The following PCDHGB5 variants were observed in gnomAD, a reference collection of about 807,000 sequenced individuals.
PCDHGB5 encodes the protein protocadherin gamma-B5.
In PCDHGB5, 48 loss-of-function variants were observed where a neutral mutation model predicts 62.9. The observed-to-expected ratio is 0.76, with a 90% CI of 0.61 to 0.97. PCDHGB5 has a LOEUF of 0.97. Among genes scored for constraint, PCDHGB5 ranks in the 50% least tolerant of loss-of-function variants. The pLI is 0.00. For missense variants in PCDHGB5, 1,118 were observed against 1,198.6 expected, an observed-to-expected ratio of 0.93 and a Z score of 0.99; for synonymous variants, 474 against 511.2, an observed-to-expected ratio of 0.93 and a Z score of 0.98.
chr5:141,447,851 C>T (rs961725006), intron 1 of PCDHGB5, among the ~76,000 whole-genome samples: 1 of 151,980 alleles, frequency 6.6e-6, no homozygotes, highest in East Asian at 1.9e-4. Flanking sequence ...TTTGGGAGGC[C>T]GAGGTGGGTG....
chr5:141,500,989 C>T (rs779352768), intron 2 of PCDHGB5, among the ~76,000 whole-genome samples: 1 of 152,040 alleles, frequency 6.6e-6, no homozygotes, highest in Non-Finnish European at 1.5e-5. Context: ...CTGCCTCAGC[C>T]TCCTGAGTAG....
At chr5:141,435,497 C>T (rs1234443531) in intron 1 of PCDHGB5, among the ~76,000 whole-genome samples, 1 of 152,154 alleles carries the variant, frequency 6.6e-6, no homozygotes, top group African/African-American at 2.4e-5. Context: ...ATTTCCTACA[C>T]TAATGATACT....
chr5:141,404,002 A>T, intron 1 of PCDHGB5: 1 of 1,613,928 alleles, frequency 6.2e-7, no homozygotes, highest in Non-Finnish European at 8.5e-7. Flanking sequence ...TGACCATTAC[A>T]TCTCTGTTTA....
At chr5:141,470,022 G>C (rs892106953) in intron 1 of PCDHGB5, among the ~76,000 whole-genome samples, 2 of 152,070 alleles carry the variant, frequency 1.3e-5, no homozygotes, top group African/African-American at 4.8e-5. Context: ...CCAGCTACTC[G>C]GGATGCTGAG....
chr5:141,456,321 G>A (rs2098849819), intron 1 of PCDHGB5, among the ~76,000 whole-genome samples: 1 of 152,154 alleles, frequency 6.6e-6, no homozygotes, highest in African/African-American at 2.4e-5. Context: ...GGCTCCTCCT[G>A]GGGTTGATCT....
intron 1 of PCDHGB5, among the ~76,000 whole-genome samples, chr5:141,436,469 G>A (rs376024456): frequency 6.6e-6 from 1 of 152,304 alleles, no homozygotes; most frequent in East Asian, 1.9e-4. Flanking sequence ...ATTTTCAGAT[G>A]TATCATAGAA....
intron 1 of PCDHGB5, chr5:141,419,197 T>A (rs560134083): frequency 6.2e-7 from 1 of 1,613,966 alleles, no homozygotes; most frequent in East Asian, 2.2e-5. Flanking sequence ...CTGACGTCAA[T>A]GACAACGCGC....
chr5:141,421,650 A>G, intron 1 of PCDHGB5: 1 of 1,613,868 alleles, frequency 6.2e-7, no homozygotes, highest in South Asian at 1.1e-5. Flanking sequence ...AAGTGGAGAT[A>G]AAAGTCAGTG....
chr5:141,466,809 CA>C (rs1454424644), intron 1 of PCDHGB5, among the ~76,000 whole-genome samples: 1 of 152,102 alleles, frequency 6.6e-6, no homozygotes, highest in Non-Finnish European at 1.5e-5. Flanking sequence ...CCTATTCAGA[CA>C]TGGTATAACA....
intron 1 of PCDHGB5, among the ~76,000 whole-genome samples, chr5:141,474,227 G>A (rs1394834744): frequency 6.6e-6 from 1 of 152,190 alleles, no homozygotes; most frequent in Non-Finnish European, 1.5e-5. Flanking sequence ...TGTGAATTAA[G>A]TGATGCTGAA....
At chr5:141,400,883 A>G (rs1017003447) in intron 1 of PCDHGB5, among the ~76,000 whole-genome samples, 1 of 152,232 alleles carries the variant, frequency 6.6e-6, no homozygotes, top group Non-Finnish European at 1.5e-5. Flanking sequence ...AATTTAATGT[A>G]TGTAATCATT....
intron 1 of PCDHGB5, chr5:141,423,660 G>T (rs765304048): frequency 1.3e-6 from 2 of 1,560,582 alleles, no homozygotes; most frequent in Non-Finnish European, 8.6e-7. Context: ...CAAGTAATCA[G>T]GTGAGATTTA....
chr5:141,490,822 C>T lies in PCDHGB5; in HGVS notation c.2398-3985C>T. ...GCGTACCTTTGACTATGAATTGCTG[C>T]AGATGCTGCAGATTGTGGTGGGGGT... On this transcript the variant is annotated intron_variant, in intron 1 of 3. Coordinates refer to ENST00000617380, the MANE Select transcript of PCDHGB5 (RefSeq NM_018925.3). This position sits in a 1 kb window ranked among gnomAD's most constrained non-coding sequence, Gnocchi z 5.4. 2 of 1,613,842 alleles carry T rather than the reference C, an allele frequency of 1.2e-6. No individual in the cohort carries two copies. Among genetic ancestry groups the T allele is most frequent in the Non-Finnish European group, 1.7e-6 (2 of 1,179,790 alleles).
chr5:141,463,086 GC>G (rs1171354311), intron 1 of PCDHGB5, among the ~76,000 whole-genome samples: 1 of 152,098 alleles, frequency 6.6e-6, no homozygotes, highest in African/African-American at 2.4e-5. Context: ...ACATTTTCCA[GC>G]CCTATGTGAC....
rs369794418 is a variant in PCDHGB5, at chr5:141,497,143, G to A, written c.2456+2278G>A. Among the ~76,000 whole-genome samples the A allele has an allele frequency of 7.3e-5, 11 of 150,108 alleles. No individual in the cohort carries two copies. In the East Asian group the frequency reaches 1.6e-3, roughly 21 times the overall value. On this transcript the variant is annotated intron_variant, in intron 2 of 3. Coordinates refer to ENST00000617380, the MANE Select transcript of PCDHGB5 (RefSeq NM_018925.3). ...AGAGGTTGCAGTGAGCTGAGATCAC[G>A]AAAAAAAAATAATCTAGCCACAAAT...
rs201538255 is a variant in PCDHGB5 at position 141,476,796 on chromosome 5, G to A, written c.2398-18011G>A. 10 of 1,613,584 alleles carry A rather than the reference G, an allele frequency of 6.2e-6. No individual in the cohort carries two copies. In the East Asian group the frequency reaches 2.2e-4, roughly 36 times the overall value. On this transcript the variant is annotated intron_variant, in intron 1 of 3. Transcript: ENST00000617380. This position sits in a 1 kb window ranked among gnomAD's most constrained non-coding sequence, Gnocchi z 7.6. Reference sequence around the variant, plus strand: ...GGAGGGACCCCAGCTCTCTCCGCCAGCCTGCCTATTCACATCAAGGTGCTG... The same window carrying A: ...GGAGGGACCCCAGCTCTCTCCGCCAACCTGCCTATTCACATCAAGGTGCTG...
At chr5:141,459,035 AC>A (rs1337856322) in intron 1 of PCDHGB5, among the ~76,000 whole-genome samples, 1 of 152,218 alleles carries the variant, frequency 6.6e-6, no homozygotes, top group Non-Finnish European at 1.5e-5. Flanking sequence ...ATCCAGCCTT[AC>A]CAGCTATATT....
At chr5:141,414,363 T>C in intron 1 of PCDHGB5, 3 of 1,613,910 alleles carry the variant, frequency 1.9e-6, no homozygotes, top group Non-Finnish European at 1.7e-6. Context: ...ATCTACCATT[T>C]AAATTAGAAA....
intron 2 of PCDHGB5, among the ~76,000 whole-genome samples, chr5:141,504,859 C>T (rs1396681670): frequency 6.6e-6 from 1 of 152,090 alleles, no homozygotes; most frequent in African/African-American, 2.4e-5. Context: ...TCTTCCATTT[C>T]CCACCTTCAC....
Sources: allele counts gnomAD v4.1 joint callset (sites outside exome capture counted in the v4.1 genomes callset), GRCh38; gene constraint gnomAD v4.1.1; non-coding constraint Gnocchi (gnomAD v3.1); transcripts MANE v1.5; gene names NCBI Gene and HGNC (gene_info 2026-07-23, HGNC 2026-07-21).